Variants in ROCK1 observed in about 807,000 individuals in gnomAD.
ROCK1 encodes the protein Rho associated coiled-coil containing protein kinase 1.
A neutral mutation model predicts 196.8 loss-of-function variants in ROCK1; 36 were observed. The ratio of observed to expected loss-of-function variants is 0.18; its 90% CI spans 0.14 to 0.24. The LOEUF (loss-of-function observed/expected upper bound fraction) is 0.24. Among genes scored for constraint, ROCK1 ranks in the 10% least tolerant of loss-of-function variants. ROCK1 has a pLI of 1.00. For synonymous variants in ROCK1, 443 were observed against 515.9 expected (o/e 0.86, Z 1.91); for missense variants, 920 against 1,562.0 (o/e 0.59, Z 6.93).
At position 21,006,666 on chromosome 18, in the gene ROCK1, T is replaced by C. The variant is rs375952596; in HGVS notation, c.1638+33A>G. ...CGATATAATTTAATTATCTACAATT[T>C]TTTTAAAAAGGAACCTCATTTGAAA... On this transcript the variant is annotated intron_variant, in intron 15 of 32. Coordinates refer to ENST00000399799, the MANE Select transcript of ROCK1 (RefSeq NM_005406.3). 42 of 1,582,060 alleles carry C rather than the reference T, an allele frequency of 2.7e-5. No individual in the cohort carries two copies. In the East Asian group the frequency reaches 2.7e-4, roughly 10 times the overall value.
At chr18:20,952,097 T>G (rs1214889563) in intron 32 of ROCK1, among the ~76,000 whole-genome samples, 1 of 152,204 alleles carries the variant, frequency 6.6e-6, no homozygotes, top group African/African-American at 2.4e-5. Flanking sequence ...AAGAAAGAGT[T>G]AACTGCCTGG....
chr18:21,098,691 C>T (rs893885547), intron 1 of ROCK1, among the ~76,000 whole-genome samples: 1 of 146,816 alleles, frequency 6.8e-6, no homozygotes, highest in African/African-American at 2.5e-5. Flanking sequence ...CTCCCTAATA[C>T]ATAAAGAGCT....
chr18:21,106,021 C>G (rs971245458), intron 1 of ROCK1, among the ~76,000 whole-genome samples: 1 of 152,154 alleles, frequency 6.6e-6, no homozygotes, highest in African/African-American at 2.4e-5. Flanking sequence ...ATTTCATTTA[C>G]ATTTATCTTC....
At chr18:20,973,231 A>T (rs1188432137) in intron 22 of ROCK1, among the ~76,000 whole-genome samples, 1 of 152,082 alleles carries the variant, frequency 6.6e-6, no homozygotes, top group Non-Finnish European at 1.5e-5. Flanking sequence ...TAACAATGAT[A>T]ATGACTACAA....
chr18:20,957,298 A>G (rs2035251945), intron 29 of ROCK1, among the ~76,000 whole-genome samples: 1 of 152,264 alleles, frequency 6.6e-6, no homozygotes, highest in African/African-American at 2.4e-5. Flanking sequence ...GCAATGTTAT[A>G]CTATTCAGCA....
In ROCK1 at chr18:21,091,293, T is replaced by C. The variant is rs150695713; in HGVS notation, c.93+19525A>G. On this transcript the variant is annotated intron_variant, in intron 1 of 32. Coordinates refer to ENST00000399799, the MANE Select transcript of ROCK1 (RefSeq NM_005406.3). ...TTTTCTTTTCTCTAGCTTACTTTAC[T>C]GTAAGAATACAGTATATAAGATATA... Among the ~76,000 whole-genome samples, 391 of 152,292 alleles carry C rather than the reference T, an allele frequency of 2.6e-3. 1 individual carries two copies. The highest frequency in any genetic ancestry group is 4.0e-3 in the Non-Finnish European group (274 of 68,032).
intron 32 of ROCK1, among the ~76,000 whole-genome samples, chr18:20,952,570 G>A (rs1463706236): frequency 6.6e-6 from 1 of 152,084 alleles, no homozygotes; most frequent in Admixed American, 6.6e-5. Context: ...TTGAGGTCAG[G>A]AGTTTGAGAT....
Position 21,110,036 on chromosome 18 carries a change from C to T in ROCK1, c.93+782G>A, listed in dbSNP as rs116347747. Among the ~76,000 whole-genome samples the T allele has an allele frequency of 3.1e-3, 477 of 152,054 alleles. 1 individual carries two copies. The highest frequency in any genetic ancestry group is 0.011 in the African/African-American group (464 of 41,478). Reference sequence around the variant, plus strand: ...CATTTACAGAGGAAATGTATCAAACCTAAGAATTCCAATTATTTACAGATA... The same window carrying T: ...CATTTACAGAGGAAATGTATCAAACTTAAGAATTCCAATTATTTACAGATA... On this transcript the variant is annotated intron_variant, in intron 1 of 32. Coordinates refer to ENST00000399799, the MANE Select transcript of ROCK1 (RefSeq NM_005406.3).
At position 20,954,938 on chromosome 18, in the gene ROCK1, G is replaced by A; in HGVS notation, c.3698C>T (p.Pro1233Leu). The change falls in exon 31 of 33, where the codon CCT becomes CTT. Residue 1233 changes from proline (P) to leucine (L), a missense_variant. By Grantham distance (98) the Pro-to-Leu change is moderately conservative. Around this residue, in one of 6 missense-constraint regions of ROCK1, gnomAD observed 49 missense variants for 180.4 expected, o/e 0.27. Transcript: ENST00000399799. The part of the protein sequence containing the change: ...FQNHKGHEFI[P>L]TLYHFPANCD... ...ATTGGCAGGAAAGTGGTAGAGTGTA[G>A]GAATAAACTCATGGCCTTTGTGATT... is the stretch of plus-strand genomic sequence containing the variant. 2 of 1,613,810 alleles carry A rather than the reference G, an allele frequency of 1.2e-6. No homozygotes were observed.
chr18:20,988,427 A>G (rs1331091126), intron 18 of ROCK1, among the ~76,000 whole-genome samples: 1 of 152,058 alleles, frequency 6.6e-6, no homozygotes, highest in Non-Finnish European at 1.5e-5. Context: ...CCTCTCTACT[A>G]CTACCAGTGT....
Position 21,023,710 on chromosome 18 carries a change from G to C in ROCK1, c.1212-30C>G. The C allele has an allele frequency of 3.0e-6, 4 of 1,349,086 alleles. No homozygotes were observed. In the Admixed American group the frequency reaches 6.5e-5, roughly 22 times the overall value. The allele number at this position is 1,349,086 out of a possible 1,614,324, so 83.6% of individuals were successfully genotyped here. On this transcript the variant is annotated intron_variant, in intron 10 of 32. Transcript: ENST00000399799. ...GGGAAAGAAAAGTTTAAAAAGAAAA[G>C]AAAACAAAAAACTCTGTAATATCCC...
At chr18:20,961,943 T>G (rs949864034) in intron 27 of ROCK1, among the ~76,000 whole-genome samples, 3 of 151,834 alleles carry the variant, frequency 2.0e-5, no homozygotes, top group African/African-American at 7.3e-5. Flanking sequence ...TTGCTGCAAT[T>G]TAGTTCATGA....
chr18:20,955,429 T>C (rs2035232418), intron 29 of ROCK1, 184 bp from the exon 30 acceptor site: 1 of 753,526 alleles, frequency 1.3e-6, no homozygotes, highest in Admixed American at 3.7e-5. Flanking sequence ...TTAAAAAAAA[T>C]AAAAACAGTA....
intron 16 of ROCK1, among the ~76,000 whole-genome samples, chr18:21,000,453 T>A (rs11876153): frequency 0.031 from 4,669 of 152,082 alleles, 262 homozygotes; most frequent in African/African-American, 0.1. Flanking sequence ...AGTAGAGACA[T>A]GGTTTTGCCA....
chr18:21,031,996 G>C (rs1421164081), intron 9 of ROCK1, among the ~76,000 whole-genome samples: 1 of 152,176 alleles, frequency 6.6e-6, no homozygotes, highest in African/African-American at 2.4e-5. Context: ...GCATCAACCA[G>C]ACCAACATAC....
At chr18:21,018,138 T>A (rs2035880752) in intron 12 of ROCK1, among the ~76,000 whole-genome samples, 1 of 152,186 alleles carries the variant, frequency 6.6e-6, no homozygotes, top group South Asian at 2.1e-4. Context: ...GATACTTTCA[T>A]ATGATTATTA....
At chr18:21,025,609 C>T (rs1323829396) in intron 10 of ROCK1, among the ~76,000 whole-genome samples, 1 of 152,114 alleles carries the variant, frequency 6.6e-6, no homozygotes, top group East Asian at 1.9e-4. Context: ...TGGTGGTACG[C>T]ACCTGTAATC....
Position 20,960,213 on chromosome 18 carries a change from G to C in ROCK1, c.3353-7C>G. The C allele has an allele frequency of 3.3e-6, 5 of 1,517,128 alleles. No homozygotes were observed. Among genetic ancestry groups the C allele is most frequent in the Non-Finnish European group, 4.6e-6 (5 of 1,092,236 alleles). The allele number at this position is 1,517,128 out of a possible 1,614,324, so 94.0% of individuals were successfully genotyped here. A position where few individuals can be genotyped will look rare whatever the true frequency, so the allele number is the denominator to read the frequency against. ...CAACCTTCAATTCTTGACTCTAGGA[G>C]AAAAAGAATATATGTATTAGTCAGT... is the stretch of plus-strand genomic sequence containing the variant. On this transcript the variant is annotated splice_region_variant and splice_polypyrimidine_tract_variant and intron_variant, in intron 27 of 32. Transcript: ENST00000399799.
At chr18:20,988,225 G>A (rs748090140) in intron 18 of ROCK1, among the ~76,000 whole-genome samples, 1 of 151,792 alleles carries the variant, frequency 6.6e-6, no homozygotes, top group South Asian at 2.1e-4. Context: ...ACCACTACAC[G>A]CAGCTAATTT....
Sources: gnomAD v4.1 joint callset for allele counts (sites outside exome capture counted in the v4.1 genomes callset) on GRCh38, gnomAD v4.1.1 for gene constraint, gnomAD v4.1.1 regional missense constraint, MANE v1.5 for transcripts, NCBI Gene and HGNC (gene_info 2026-07-23, HGNC 2026-07-21) for gene names.